SGCZ: variants seen among roughly 807,000 people sequenced by gnomAD.
The protein encoded by SGCZ is zeta-sarcoglycan.
SGCZ carries 40 observed loss-of-function variants against 41.3 expected under a neutral mutation model. That is an observed-to-expected ratio of 0.97 (90% confidence interval 0.75 to 1.26). The LOEUF (loss-of-function observed/expected upper bound fraction) is 1.26. Among genes scored for constraint, SGCZ ranks in the 50% most tolerant of loss-of-function variants. The pLI, the probability that SGCZ is intolerant of heterozygous loss-of-function variation, is 0.00. For synonymous variants in SGCZ, 206 were observed against 137.5 expected (o/e 1.50, Z -3.49); for missense variants, 552 against 369.8 (o/e 1.49, Z -4.04).
chr8:14,862,685 C>T (rs1303732997), intron 1 of SGCZ, among the ~76,000 whole-genome samples: 3 of 150,320 alleles, frequency 2.0e-5, no homozygotes, highest in Non-Finnish European at 3.0e-5. Context: ...ATGACTGCTG[C>T]AGAAATGATT....
chr8:14,993,638 TAAGG>T (rs1802103126), intron 1 of SGCZ, among the ~76,000 whole-genome samples: 1 of 151,700 alleles, frequency 6.6e-6, no homozygotes, highest in African/African-American at 2.4e-5. Context: ...AGACAAGAAG[TAAGG>T]AAGGGAGAGA....
chr8:14,496,595 G>C (rs1248329832), intron 2 of SGCZ, among the ~76,000 whole-genome samples: 1 of 152,066 alleles, frequency 6.6e-6, no homozygotes, highest in Admixed American at 6.6e-5. Flanking sequence ...GTTTGATTTT[G>C]AGAGTCTCTG....
At chr8:14,731,170 T>C (rs891658151) in intron 1 of SGCZ, among the ~76,000 whole-genome samples, 1 of 151,416 alleles carries the variant, frequency 6.6e-6, no homozygotes, top group Non-Finnish European at 1.5e-5. Context: ...ATAAAGAAAA[T>C]GTGGCACATA....
chr8:14,403,146 C>A (rs150156699), intron 2 of SGCZ, among the ~76,000 whole-genome samples: 1 of 146,940 alleles, frequency 6.8e-6, no homozygotes, highest in East Asian at 1.9e-4. Context: ...TTTTGTATCC[C>A]GAGACTTTGC....
intron 1 of SGCZ, among the ~76,000 whole-genome samples, chr8:15,171,772 C>T (rs578201442): frequency 6.6e-6 from 1 of 152,224 alleles, no homozygotes; most frequent in South Asian, 2.1e-4. Flanking sequence ...TGGTATGTGT[C>T]GAATAGTACA....
At chr8:15,218,356 C>A (rs1266892912) in intron 1 of SGCZ, among the ~76,000 whole-genome samples, 2 of 152,134 alleles carry the variant, frequency 1.3e-5, no homozygotes, top group African/African-American at 4.8e-5. Context: ...AGTAGTTAAA[C>A]TTGGTGAGAT....
Position 14,768,472 on chromosome 8 carries a change from A to G in SGCZ, c.40-213546T>C, listed in dbSNP as rs553836253. On this transcript the variant is annotated intron_variant, in intron 1 of 7. Coordinates refer to ENST00000382080, the MANE Select transcript of SGCZ (RefSeq NM_139167.4). ...GGAATAACAATAGAACAAAGATTTT[A>G]CAAATTTACTTAAAATATTTCTCCA... Among the ~76,000 whole-genome samples, 6 of 152,364 alleles carry G rather than the reference A, an allele frequency of 3.9e-5. No homozygotes were observed. The East Asian group carries it at 5.8e-4, about 15-fold the overall frequency.
At chr8:14,269,772 G>A (rs1047665571) in intron 3 of SGCZ, among the ~76,000 whole-genome samples, 1 of 152,076 alleles carries the variant, frequency 6.6e-6, no homozygotes, top group Non-Finnish European at 1.5e-5. Context: ...AACTGATTGG[G>A]GACACTGCTG....
At chr8:14,988,884 C>T (rs1381711227) in intron 1 of SGCZ, among the ~76,000 whole-genome samples, 1 of 152,104 alleles carries the variant, frequency 6.6e-6, no homozygotes, top group Admixed American at 6.6e-5. Flanking sequence ...GGCCCTCTAA[C>T]AAATGAATCA....
intron 5 of SGCZ, among the ~76,000 whole-genome samples, chr8:14,146,602 A>G (rs980348689): frequency 1.8e-4 from 28 of 152,140 alleles, no homozygotes; most frequent in Non-Finnish European, 4.1e-4. Flanking sequence ...ACTAAATTAT[A>G]AAGCATCCAA....
intron 1 of SGCZ, among the ~76,000 whole-genome samples, chr8:15,192,575 G>A (rs996767176): frequency 6.6e-6 from 1 of 152,118 alleles, no homozygotes; most frequent in Non-Finnish European, 1.5e-5. Context: ...GGTATTTGGA[G>A]GGACAGCCAC....
At position 14,235,753 on chromosome 8, in the gene SGCZ, C is replaced by A. The variant is rs189590833; in HGVS notation, c.424+1839G>T. On this transcript the variant is annotated intron_variant, in intron 4 of 7. Coordinates refer to ENST00000382080, the MANE Select transcript of SGCZ (RefSeq NM_139167.4). ...AGGCTGGAGTGCAGTGGCCCAATCT[C>A]GGCTCACTGCAACCTGCGCCTCCTG... Among the ~76,000 whole-genome samples the A allele has an allele frequency of 5.0e-3, 759 of 152,220 alleles. 2 individuals are homozygous for A. Among genetic ancestry groups the A allele is most frequent in the Non-Finnish European group, 8.0e-3 (547 of 68,008 alleles).
chr8:14,523,133 C>T (rs1046465843), intron 2 of SGCZ, among the ~76,000 whole-genome samples: 4 of 151,882 alleles, frequency 2.6e-5, no homozygotes, highest in African/African-American at 9.7e-5. Flanking sequence ...AAATATCTCT[C>T]CCGCTTACAT....
chr8:14,821,767 C>A (rs56273003), intron 1 of SGCZ, among the ~76,000 whole-genome samples: 25,694 of 151,700 alleles, frequency 0.17, 2,510 homozygotes, highest in East Asian at 0.26. Context: ...ATTCAGCATC[C>A]CTTCATGAAA....
intron 1 of SGCZ, among the ~76,000 whole-genome samples, chr8:14,720,173 A>C (rs1809835422): frequency 6.6e-6 from 1 of 152,054 alleles, no homozygotes; most frequent in Admixed American, 6.6e-5. Context: ...ATCTTCAAAA[A>C]AATACCTACT....
chr8:14,891,781 C>A (rs1056954160), intron 1 of SGCZ, among the ~76,000 whole-genome samples: 1 of 152,116 alleles, frequency 6.6e-6, no homozygotes, highest in African/African-American at 2.4e-5. Context: ...TATTTTAAGC[C>A]GTTGCCACGG....
intron 7 of SGCZ, 116 bp downstream of exon 7, chr8:14,102,260 C>T (rs1466182107): frequency 1.7e-6 from 2 of 1,143,326 alleles, no homozygotes; most frequent in African/African-American, 3.2e-5. Flanking sequence ...GTTACAACTC[C>T]ATTTATTTTC....
intron 1 of SGCZ, among the ~76,000 whole-genome samples, chr8:14,703,979 T>G (rs759074418): frequency 1.3e-5 from 2 of 152,012 alleles, no homozygotes; most frequent in African/African-American, 2.4e-5. Context: ...AATTGATGCT[T>G]TAATAATTGT....
At chr8:15,131,191 T>A (rs751183019) in intron 1 of SGCZ, among the ~76,000 whole-genome samples, 1 of 152,224 alleles carries the variant, frequency 6.6e-6, no homozygotes, top group South Asian at 2.1e-4. Flanking sequence ...TCATCTTGAA[T>A]TGTAGCTGCC....
Sources: allele counts gnomAD v4.1 joint callset (sites outside exome capture counted in the v4.1 genomes callset), GRCh38; gene constraint gnomAD v4.1.1; transcripts MANE v1.5; gene names NCBI Gene and HGNC (gene_info 2026-07-23, HGNC 2026-07-21).